RANBP2: variants seen among roughly 807,000 people sequenced by gnomAD.
The protein encoded by RANBP2 is RAN binding protein 2, also known as E3 SUMO-protein ligase RanBP2.
RANBP2 carries 57 observed loss-of-function variants against 303.6 expected under a neutral mutation model. The ratio of observed to expected loss-of-function variants is 0.19; its 90% CI spans 0.15 to 0.23. The LOEUF (loss-of-function observed/expected upper bound fraction) is 0.23. Among genes scored for constraint, RANBP2 ranks in the 10% least tolerant of loss-of-function variants. RANBP2 has a pLI of 1.00. For missense variants in RANBP2, 3,138 were observed against 3,780.8 expected, an observed-to-expected ratio of 0.83 and a Z score of 4.46; for synonymous variants, 1,167 against 1,301.5, an observed-to-expected ratio of 0.90 and a Z score of 2.23.
chr2:108,867,027 T>A, the RANBP2 span, among the ~76,000 whole-genome samples: 3 of 152,172 alleles, frequency 2.0e-5, no homozygotes, highest in African/African-American at 7.2e-5. Flanking sequence ...TATTTTTAGG[T>A]TAATTAAAGG....
the RANBP2 span, among the ~76,000 whole-genome samples, chr2:109,672,750 G>A: frequency 3.3e-5 from 5 of 152,112 alleles, no homozygotes; most frequent in Admixed American, 2.0e-4. Context: ...TTAAGGTTAT[G>A]ACATGTAAAT....
At chr2:109,374,894 T>C in the RANBP2 span, among the ~76,000 whole-genome samples, 2 of 152,266 alleles carry the variant, frequency 1.3e-5, no homozygotes, top group African/African-American at 4.8e-5. Flanking sequence ...ACGGTGGACC[T>C]CACAAAGTAA....
the RANBP2 span, among the ~76,000 whole-genome samples, chr2:109,688,177 G>A: frequency 6.6e-6 from 1 of 152,148 alleles, no homozygotes; most frequent in South Asian, 2.1e-4. Context: ...GTCCCGAGGA[G>A]TCACAGAGTT....
At chr2:108,749,244 G>T (rs1200450126) in intron 9 of RANBP2, 115 bp downstream of exon 9, 2 of 1,544,262 alleles carry the variant, frequency 1.3e-6, no homozygotes, top group East Asian at 2.3e-5. Context: ...TTGTGTGTGG[G>T]TTGGGCTGGG....
the RANBP2 span, among the ~76,000 whole-genome samples, chr2:108,904,311 C>G: frequency 6.6e-6 from 1 of 152,166 alleles, no homozygotes; most frequent in South Asian, 2.1e-4. Context: ...GTAACACCAC[C>G]AAATGCTGGC....
the RANBP2 span, among the ~76,000 whole-genome samples, chr2:109,451,812 C>T: frequency 6.6e-6 from 1 of 152,390 alleles, no homozygotes; most frequent in East Asian, 1.9e-4. Context: ...GCCTCCTCCT[C>T]CCCTGATAGC....
the RANBP2 span, among the ~76,000 whole-genome samples, chr2:109,570,710 G>A: frequency 6.6e-6 from 1 of 152,058 alleles, no homozygotes; most frequent in African/African-American, 2.4e-5. Context: ...TTTTAGTAGA[G>A]ATGGGGTTTC....
chr2:109,664,435 C>G, the RANBP2 span, among the ~76,000 whole-genome samples: 1 of 151,516 alleles, frequency 6.6e-6, no homozygotes, highest in African/African-American at 2.4e-5. Flanking sequence ...GAAACCCCAT[C>G]TCTACTAAAA....
chr2:109,531,840 C>T, the RANBP2 span, among the ~76,000 whole-genome samples: 6 of 152,248 alleles, frequency 3.9e-5, no homozygotes, highest in Non-Finnish European at 5.9e-5. Context: ...TCGAGGTCAT[C>T]ATGGTCACCT....
the RANBP2 span, among the ~76,000 whole-genome samples, chr2:108,991,877 G>A: frequency 6.6e-6 from 1 of 152,146 alleles, no homozygotes; most frequent in South Asian, 2.1e-4. Flanking sequence ...CGTGATCTTG[G>A]CCCACTGGAA....
the RANBP2 span, among the ~76,000 whole-genome samples, chr2:108,826,170 C>A: frequency 2.1e-4 from 32 of 152,134 alleles, no homozygotes; most frequent in African/African-American, 7.5e-4. Flanking sequence ...GTACCTTATC[C>A]AATATGTGAT....
the RANBP2 span, among the ~76,000 whole-genome samples, chr2:109,439,952 G>A: frequency 1.3e-3 from 195 of 152,280 alleles, 1 homozygote; most frequent in African/African-American, 4.4e-3. Context: ...AAATAGGAGG[G>A]GGATTGGGAG....
the RANBP2 span, among the ~76,000 whole-genome samples, chr2:109,317,769 G>A: frequency 6.6e-6 from 1 of 152,194 alleles, no homozygotes; most frequent in Non-Finnish European, 1.5e-5. Flanking sequence ...GCTCGTGAGT[G>A]CCTTTGTAGT....
At chr2:109,211,676 G>T in the RANBP2 span, among the ~76,000 whole-genome samples, 2 of 144,630 alleles carry the variant, frequency 1.4e-5, no homozygotes, top group Admixed American at 1.4e-4. Context: ...ATGGAGTCTC[G>T]CTCTGTCACC....
chr2:109,121,504 CCT>C, the RANBP2 span, among the ~76,000 whole-genome samples: 3 of 152,166 alleles, frequency 2.0e-5, no homozygotes, highest in African/African-American at 4.8e-5. Flanking sequence ...TAAGAACTTT[CCT>C]CTGTCACCTT....
the RANBP2 span, among the ~76,000 whole-genome samples, chr2:109,134,642 TCCTTGCTGAGCGGCAC>T: frequency 6.6e-6 from 1 of 152,198 alleles, no homozygotes; most frequent in Non-Finnish European, 1.5e-5. Context: ...CTCCAGAATT[TCCTTGCTGAGCGGCAC>T]ACAGTTAATG....
the RANBP2 span, chr2:108,794,680 C>G: frequency 6.2e-7 from 1 of 1,613,794 alleles, no homozygotes. Context: ...TCAGATCAGT[C>G]AGATATATGA....
the RANBP2 span, among the ~76,000 whole-genome samples, chr2:108,855,763 C>G: frequency 6.6e-6 from 1 of 152,056 alleles, no homozygotes; most frequent in African/African-American, 2.4e-5. Flanking sequence ...TCTTAATAAC[C>G]AGGGTTTTAA....
the RANBP2 span, among the ~76,000 whole-genome samples, chr2:109,513,104 T>C: frequency 2.0e-5 from 3 of 152,138 alleles, no homozygotes; most frequent in African/African-American, 7.2e-5. Flanking sequence ...AGGCACCCCA[T>C]GCCATGCCAC....
Sources: allele counts gnomAD v4.1 joint callset (sites outside exome capture counted in the v4.1 genomes callset), GRCh38; gene constraint gnomAD v4.1.1; transcripts MANE v1.5; gene names NCBI Gene and HGNC (gene_info 2026-07-23, HGNC 2026-07-21).